Variants in CDHR2 observed in about 807,000 individuals in gnomAD.
CDHR2 encodes cadherin related family member 2.
Under a neutral mutation model 138.6 loss-of-function variants are expected in CDHR2, and 104 were observed. The observed-to-expected ratio is 0.75, with a 90% confidence interval of 0.64 to 0.88. The LOEUF (loss-of-function observed/expected upper bound fraction) is 0.88, where lower values mean the gene tolerates loss of function less well. CDHR2 is among the 40% of genes least tolerant of loss of function. The probability of loss-of-function intolerance (pLI) is 0.00; values close to 1 mark genes in which losing one functional copy is unlikely to be tolerated. For synonymous variants in CDHR2, 755 were observed against 742.8 expected (o/e 1.02, Z -0.27); for missense variants, 1,624 against 1,727.6 (o/e 0.94, Z 1.06).
intron 6 of CDHR2, among the ~76,000 whole-genome samples, chr5:176,571,605 C>T (rs1389539410): frequency 6.6e-6 from 1 of 152,084 alleles, no homozygotes; most frequent in African/African-American, 2.4e-5. Context: ...GGCACGATCT[C>T]GGCTCACTGC....
intron 1 of CDHR2, among the ~76,000 whole-genome samples, chr5:176,551,851 G>A (rs972751107): frequency 1.8e-4 from 26 of 145,094 alleles, no homozygotes; most frequent in Non-Finnish European, 2.4e-4. Flanking sequence ...ACAGGCGCCC[G>A]CCACCACGCC....
In CDHR2 at chr5:176,578,392, C is replaced by T. The variant is rs1382809007; in HGVS notation, c.1602C>T (p.Val534=). The stretch of plus-strand genomic sequence containing the variant: ...CAGACCTCTTCCAAGTGGATCCCGT[C>T]TCAGGGACGGTGACGGTGAGGAACG... The part of the protein sequence containing the change: ...NGADLFQVDP[V]SGTVTVRNGE... Residue 534 remains valine, a synonymous_variant, in exon 16 of 32, where the codon GTC becomes GTT. Transcript: ENST00000261944. 4 of 1,613,862 alleles carry T rather than the reference C, an allele frequency of 2.5e-6. No individual in the cohort carries two copies. Among genetic ancestry groups the T allele is most frequent in the Non-Finnish European group, 2.5e-6 (3 of 1,179,916 alleles).
chr5:176,574,278 T>C, intron 7 of CDHR2, 106 bp downstream of exon 7: 1 of 855,746 alleles, frequency 1.2e-6, no homozygotes, highest in Non-Finnish European at 1.9e-6. Context: ...TGGTCCTGCC[T>C]TGGCCCAGCC....
chr5:176,584,494 G>C lies in CDHR2; in HGVS notation c.2213G>C (p.Gly738Ala), dbSNP rs773669894. 1 of 1,613,436 alleles carries C rather than the reference G, an allele frequency of 6.2e-7. No individual in the cohort carries two copies. Among genetic ancestry groups the C allele is most frequent in the East Asian group, 2.2e-5 (1 of 44,874 alleles). Reference sequence around the variant, plus strand: ...ATCAGCTTCAGCCTGTCGGGGAGTGGTGCCAACTACTTCATGATCCGAGGC... The same window carrying C: ...ATCAGCTTCAGCCTGTCGGGGAGTGCTGCCAACTACTTCATGATCCGAGGC... ...NRISFSLSGS[G>A]ANYFMIRGLV... Residue 738 changes from glycine (G) to alanine (A), a missense_variant, in exon 19 of 32, where the codon GGT becomes GCT. By Grantham distance (60) the Gly-to-Ala change is moderately conservative (BLOSUM62 0). Transcript: ENST00000261944.
intron 1 of CDHR2, among the ~76,000 whole-genome samples, chr5:176,560,517 GT>G (rs1249882369): frequency 6.6e-6 from 1 of 152,190 alleles, no homozygotes; most frequent in Non-Finnish European, 1.5e-5. Context: ...CTGTGGTCAT[GT>G]TTGTCTGCCA....
intron 1 of CDHR2, among the ~76,000 whole-genome samples, chr5:176,550,065 C>A (rs1238937304): frequency 6.6e-6 from 1 of 152,296 alleles, no homozygotes; most frequent in South Asian, 2.1e-4. Context: ...GGTGGTGACC[C>A]AGCTGAGAGT....
chr5:176,589,311 C>T lies in CDHR2; in HGVS notation c.3009-19C>T. On this transcript the variant is annotated intron_variant, in intron 22 of 31. Coordinates refer to ENST00000261944, the MANE Select transcript of CDHR2 (RefSeq NM_017675.6). ...CAGCTTGGGTTCCAAGACTGACCTG[C>T]GCCTCCCGCCTTCCGCAGGCCGGTG... is the stretch of plus-strand genomic sequence containing the variant. The T allele has an allele frequency of 3.2e-6, 5 of 1,554,682 alleles. No individual in the cohort carries two copies. Among genetic ancestry groups the T allele is most frequent in the African/African-American group, 1.4e-5 (1 of 73,542 alleles).
intron 1 of CDHR2, among the ~76,000 whole-genome samples, chr5:176,555,545 C>T (rs1388131473): frequency 2.0e-5 from 3 of 152,164 alleles, no homozygotes; most frequent in Non-Finnish European, 4.4e-5. Flanking sequence ...CAGTTCAGCC[C>T]GGCGACACAC....
intron 1 of CDHR2, among the ~76,000 whole-genome samples, chr5:176,564,746 G>A (rs1168165200): frequency 2.0e-5 from 3 of 151,942 alleles, no homozygotes; most frequent in South Asian, 2.1e-4. Context: ...AGGGTTCCAC[G>A]GAGCACAGTT....
At chr5:176,584,093 G>A in intron 17 of CDHR2, 97 bp from the exon 18 acceptor site, 3 of 1,016,460 alleles carry the variant, frequency 3.0e-6, no homozygotes, top group Non-Finnish European at 4.6e-6. Context: ...CACTAGTAGA[G>A]TCCATGCCTT....
At chr5:176,574,049 T>C in intron 6 of CDHR2, 34 bp from the exon 7 acceptor site, 2 of 1,533,710 alleles carry the variant, frequency 1.3e-6, no homozygotes, top group South Asian at 1.1e-5. Flanking sequence ...AGGAGCTGGA[T>C]TTGAGCTCAT....
chr5:176,573,731 C>T (rs550168819), intron 6 of CDHR2, among the ~76,000 whole-genome samples: 2 of 151,992 alleles, frequency 1.3e-5, no homozygotes, highest in East Asian at 3.9e-4. Context: ...CTCTGTAGGG[C>T]GCTGTTTGAA....
intron 6 of CDHR2, among the ~76,000 whole-genome samples, chr5:176,572,445 G>A (rs1336251092): frequency 6.8e-6 from 1 of 147,274 alleles, no homozygotes; most frequent in Non-Finnish European, 1.5e-5. Context: ...AAAAAGTACA[G>A]GCTCACATTG....
intron 28 of CDHR2, 58 bp from the exon 29 acceptor site, chr5:176,591,152 C>T (rs1758832070): frequency 5.0e-6 from 6 of 1,190,816 alleles, no homozygotes; most frequent in Non-Finnish European, 6.2e-6. Context: ...TCAGGGCCTC[C>T]ACTGGGGACA....
chr5:176,572,287 C>A (rs1758254631), intron 6 of CDHR2, among the ~76,000 whole-genome samples: 1 of 151,750 alleles, frequency 6.6e-6, no homozygotes, highest in South Asian at 2.1e-4. Flanking sequence ...ACTCAGGAGG[C>A]TGAGGCAGGA....
intron 20 of CDHR2, chr5:176,586,536 C>G (rs910291604): frequency 1.9e-6 from 1 of 530,280 alleles, no homozygotes; most frequent in Non-Finnish European, 3.4e-6. Flanking sequence ...GACCTAATGT[C>G]TGGCCCTGGG....
At chr5:176,549,222 C>CTGT (rs1757651963), upstream of CDHR2, among the ~76,000 whole-genome samples, 1 of 152,130 alleles carries the variant, frequency 6.6e-6, no homozygotes, top group South Asian at 2.1e-4. Context: ...GCGCCCCCAG[C>CTGT]TGTACTCTGC....
chr5:176,568,375 C>T (rs1433193545), intron 3 of CDHR2, among the ~76,000 whole-genome samples: 1 of 152,232 alleles, frequency 6.6e-6, no homozygotes, highest in Admixed American at 6.5e-5. Flanking sequence ...CCAGCCACGT[C>T]TAGTCTTGTG....
rs184749231 is a variant in CDHR2 at position 176,589,299 on chromosome 5, A to C, written c.3009-31A>C. The stretch of plus-strand genomic sequence containing the variant: ...GTCCTGAGGATTCAGCTTGGGTTCC[A>C]AGACTGACCTGCGCCTCCCGCCTTC... On this transcript the variant is annotated intron_variant, in intron 22 of 31. Transcript: ENST00000261944. 20 of 1,562,702 alleles carry C rather than the reference A, an allele frequency of 1.3e-5. No homozygotes were observed. In the East Asian group the frequency reaches 3.8e-4, roughly 30 times the overall value.
Sources: allele counts gnomAD v4.1 joint callset (sites outside exome capture counted in the v4.1 genomes callset), GRCh38; gene constraint gnomAD v4.1.1; transcripts MANE v1.5; gene names NCBI Gene and HGNC (gene_info 2026-07-23, HGNC 2026-07-21).